ERAP1: variants seen among roughly 807,000 people sequenced by gnomAD.
ERAP1 encodes endoplasmic reticulum aminopeptidase 1.
A neutral mutation model predicts 103.7 loss-of-function variants in ERAP1; 86 were observed. That is an observed-to-expected ratio of 0.83 (90% CI 0.70 to 0.99). ERAP1 has a LOEUF of 0.99. Among genes scored for constraint, ERAP1 ranks in the 50% least tolerant of loss-of-function variants. The pLI is 0.00. For missense variants in ERAP1, 1,009 were observed against 1,128.4 expected (o/e 0.89, Z 1.52); for synonymous variants, 398 against 402.4 (o/e 0.99, Z 0.13).
chr5:96,825,053 A>T, the ERAP1 span, among the ~76,000 whole-genome samples: 151 of 152,250 alleles, frequency 9.9e-4, 1 homozygote, highest in South Asian at 6.4e-3. Context: ...AAAAATAAAT[A>T]AATTAATTAA....
chr5:96,934,200 A>G, the ERAP1 span: 1 of 152,254 alleles, frequency 6.6e-6, no homozygotes, highest in Non-Finnish European at 1.5e-5. Flanking sequence ...AGGGAGACTG[A>G]TAATAAGCAA....
Position 96,774,682 on chromosome 5 carries a change from A to AAT in ERAP1, c.*1712_*1713dup. The AAT allele has an allele frequency of 6.1e-6, 6 of 982,416 alleles. No homozygotes were observed. The highest frequency in any genetic ancestry group is 5.2e-5 in the African/African-American group (3 of 57,308). The allele number at this position is 982,416 out of a possible 1,614,324, so 60.9% of individuals were successfully genotyped here. The stretch of plus-strand genomic sequence containing the variant: ...ATTAAAGCAAAATATTTTACATTAA[A>AAT]ATCTTGGTTGTGTATTTTTTTAAAA... On this transcript the variant is annotated 3_prime_UTR_variant, in exon 19 of 19. Coordinates refer to ENST00000443439, the MANE Select transcript of ERAP1 (RefSeq NM_001040458.3).
At position 96,767,955 on chromosome 5, in the gene ERAP1, G is replaced by A. The variant is rs765162009; in HGVS notation, c.2819-4727C>T. On this transcript the variant is annotated intron_variant, in intron 19 of 19. Transcript: ENST00000296754. ...CATTGATGCTCTCTCAGGAGATCTG[G>A]ACAGCTGTCCCTCCACTACAGAAAC... is the stretch of plus-strand genomic sequence containing the variant. 3.1e-6 allele frequency: 5 copies of A among 1,613,532 alleles called. No individual in the cohort carries two copies. The African/African-American group carries it at 6.7e-5, about 22-fold the overall frequency.
chr5:96,863,045 AT>A, the ERAP1 span, among the ~76,000 whole-genome samples: 86 of 151,462 alleles, frequency 5.7e-4, no homozygotes, highest in African/African-American at 2.0e-3. Flanking sequence ...TGATTCACTT[AT>A]TTTTTTTTAC....
the ERAP1 span, among the ~76,000 whole-genome samples, chr5:96,922,857 C>T: frequency 6.6e-6 from 1 of 152,228 alleles, no homozygotes; most frequent in East Asian, 1.9e-4. Context: ...CTAATCAAAG[C>T]GCATAACTTA....
At chr5:96,835,590 T>C in the ERAP1 span, among the ~76,000 whole-genome samples, 1 of 152,250 alleles carries the variant, frequency 6.6e-6, no homozygotes. Context: ...TGTTTTGTTG[T>C]ATATTAATAA....
the ERAP1 span, among the ~76,000 whole-genome samples, chr5:96,907,222 G>A: frequency 3.9e-5 from 6 of 152,084 alleles, no homozygotes; most frequent in Non-Finnish European, 8.8e-5. Flanking sequence ...AACATTCTAT[G>A]CATTTTTTGA....
intron 3 of ERAP1, 54 bp from the exon 4 acceptor site, chr5:96,797,363 A>C (rs1465326179): frequency 6.3e-7 from 1 of 1,584,284 alleles, no homozygotes; most frequent in African/African-American, 1.3e-5. Flanking sequence ...AATACAGTGA[A>C]CATGATAAAT....
At chr5:96,882,471 A>G in the ERAP1 span, among the ~76,000 whole-genome samples, 2 of 152,318 alleles carry the variant, frequency 1.3e-5, no homozygotes, top group South Asian at 2.1e-4. Context: ...GTACTGCACA[A>G]TGTCAATTGA....
At chr5:96,800,285 G>A (rs563379295) in intron 3 of ERAP1, among the ~76,000 whole-genome samples, 5 of 152,158 alleles carry the variant, frequency 3.3e-5, no homozygotes, top group Admixed American at 6.5e-5. Flanking sequence ...GTCCACATCC[G>A]CATTGAGATT....
At chr5:96,905,062 G>A in the ERAP1 span, among the ~76,000 whole-genome samples, 1 of 152,210 alleles carries the variant, frequency 6.6e-6, no homozygotes, top group Middle Eastern at 3.4e-3. Flanking sequence ...AAGGTTTGGA[G>A]GATTGCATAG....
At chr5:96,796,386 TTCCAGTGTACC>T (rs1408039688) in intron 4 of ERAP1, among the ~76,000 whole-genome samples, 1 of 152,208 alleles carries the variant, frequency 6.6e-6, no homozygotes, top group Non-Finnish European at 1.5e-5. Flanking sequence ...CTCTCCAGCA[TTCCAGTGTACC>T]TGGCCCAAAG....
chr5:96,860,927 AG>A, the ERAP1 span, among the ~76,000 whole-genome samples: 4 of 152,094 alleles, frequency 2.6e-5, no homozygotes, highest in Admixed American at 6.5e-5. Context: ...TGAGCAACAC[AG>A]GTAAACAGTC....
the ERAP1 span, among the ~76,000 whole-genome samples, chr5:96,898,572 C>CAAAAAAA: frequency 2.5e-4 from 24 of 94,448 alleles, no homozygotes; most frequent in African/African-American, 7.2e-4. Context: ...TACTAAAATA[C>CAAAAAAA]AAAAAAAAAA....
the ERAP1 span, chr5:96,880,132 A>G: frequency 4.3e-5 from 69 of 1,614,152 alleles, no homozygotes; most frequent in Non-Finnish European, 5.7e-5. Flanking sequence ...AACAAATTGC[A>G]CTGCTGGTTC....
At chr5:96,849,061 T>C in the ERAP1 span, among the ~76,000 whole-genome samples, 6 of 152,138 alleles carry the variant, frequency 3.9e-5, no homozygotes, top group Admixed American at 1.3e-4. Flanking sequence ...AAAAAGCATT[T>C]GACAAAATTC....
chr5:96,914,771 C>T, the ERAP1 span, among the ~76,000 whole-genome samples: 1 of 152,120 alleles, frequency 6.6e-6, no homozygotes, highest in Non-Finnish European at 1.5e-5. Flanking sequence ...AACCAAGTAA[C>T]ATTGCCCCAC....
the ERAP1 span, chr5:96,900,366 A>G: frequency 1.1e-6 from 1 of 943,584 alleles, no homozygotes; most frequent in Non-Finnish European, 1.5e-6. Context: ...TAGGGGGACA[A>G]TGCTGTTGCT....
At chr5:96,896,576 A>C in the ERAP1 span, 1 of 1,543,048 alleles carries the variant, frequency 6.5e-7, no homozygotes, top group East Asian at 2.3e-5. Context: ...TCAGCAGTTT[A>C]AGTCACTGGT....
Sources: allele counts gnomAD v4.1 joint callset (sites outside exome capture counted in the v4.1 genomes callset), GRCh38; gene constraint gnomAD v4.1.1; transcripts MANE v1.5; gene names NCBI Gene and HGNC (gene_info 2026-07-23, HGNC 2026-07-21).